The following MASTL variants were observed in gnomAD, a reference collection of about 807,000 sequenced individuals.
MASTL encodes microtubule associated serine/threonine kinase like, also known as serine/threonine-protein kinase greatwall.
A neutral mutation model predicts 82.5 loss-of-function variants in MASTL; 54 were observed. The observed-to-expected ratio is 0.65, with a 90% CI of 0.53 to 0.82. MASTL has a LOEUF of 0.82. Ranked by LOEUF, MASTL falls within the 40% of genes least tolerant of loss-of-function variation. MASTL has a pLI of 0.00. For synonymous variants in MASTL, 323 were observed against 368.9 expected (o/e 0.88, Z 1.43); for missense variants, 950 against 1,047.8 (o/e 0.91, Z 1.29).
chr10:27,181,483 T>C lies in MASTL; in HGVS notation c.2384T>C (p.Ile795Thr). 6.3e-7 allele frequency: 1 copy of C among 1,599,640 alleles called. No individual in the cohort carries two copies. The highest frequency in any genetic ancestry group is 8.6e-7 in the Non-Finnish European group (1 of 1,167,088). Reference protein sequence around the residue: ...QVFQNILKRDIPWPEGEEKLS... With the variant: ...QVFQNILKRDTPWPEGEEKLS... ...ATTTGTATATGTATAATTTTAGATA[T>C]CCCTTGGCCAGAAGGTGAAGAAAAG... Residue 795 changes from isoleucine (I) to threonine (T), a missense_variant, in exon 11 of 12, where the codon ATC becomes ACC. Transcript: ENST00000375940.
rs1380409248 is a variant in MASTL at position 27,170,582 on chromosome 10, AAAG to A, written c.1626_1628del (p.Lys542del). 6.2e-7 allele frequency: 1 copy of A among 1,612,532 alleles called. No homozygotes were observed. The highest frequency in any genetic ancestry group is 8.5e-7 in the Non-Finnish European group (1 of 1,179,422). On this transcript the variant is annotated inframe_deletion, in exon 8 of 12. Transcript: ENST00000375940. ...TGTGTGAACTCGATGAAGACTGTGA[AAAG>A]AATAGTAAGAGGGACTACTTAAGTT...
intron 4 of MASTL, among the ~76,000 whole-genome samples, chr10:27,161,548 T>TA (rs59116034): frequency 1.3e-5 from 2 of 151,172 alleles, no homozygotes; most frequent in African/African-American, 2.4e-5. Flanking sequence ...TATAAAAAAT[T>TA]AAAAAAAATG....
chr10:27,155,255 G>A (rs2057312011), upstream of MASTL: 1 of 664,052 alleles, frequency 1.5e-6, no homozygotes, highest in Non-Finnish European at 2.5e-6. Context: ...GGGCTTTCCC[G>A]ACGCCCCCTC....
chr10:27,179,177 C>G (rs993321654), intron 9 of MASTL, among the ~76,000 whole-genome samples: 1 of 152,078 alleles, frequency 6.6e-6, no homozygotes, highest in Non-Finnish European at 1.5e-5. Context: ...TAAAATTAAC[C>G]TTTTCTTAGG....
chr10:27,180,855 C>A, intron 9 of MASTL, 98 bp from the exon 10 acceptor site: 1 of 830,082 alleles, frequency 1.2e-6, no homozygotes, highest in Non-Finnish European at 2.1e-6. Flanking sequence ...ACCAGCCTAA[C>A]TCGTTTTCCC....
At chr10:27,155,753 C>A in intron 1 of MASTL, 141 bp downstream of exon 1, 1 of 921,866 alleles carries the variant, frequency 1.1e-6, no homozygotes, top group Non-Finnish European at 1.7e-6. Context: ...GCCCTGCGAG[C>A]TGACTTCTTT....
In MASTL at chr10:27,170,317, G is replaced by A. The variant is rs1217426961; in HGVS notation, c.1358G>A (p.Ser453Asn). ...AGAAATTTTGAGTTGGTTGACTCCA[G>A]TCCTTGTAAAAAAATTATACAGAAT... Reference protein sequence around the residue: ...LKRNFELVDSSPCKKIIQNKK... With the variant: ...LKRNFELVDSNPCKKIIQNKK... Residue 453 changes from serine to asparagine, a missense_variant, in exon 8 of 12, where the codon AGT (serine) becomes AAT (asparagine). By Grantham distance (46) the Ser-to-Asn change is conservative. Coordinates refer to ENST00000375940, the MANE Select transcript of MASTL (RefSeq NM_001172303.3). The A allele has an allele frequency of 6.2e-7, 1 of 1,613,762 alleles. No individual in the cohort carries two copies. Among genetic ancestry groups the A allele is most frequent in the Admixed American group, 1.7e-5 (1 of 60,010 alleles).
At chr10:27,161,290 C>G in intron 4 of MASTL, 108 bp downstream of exon 4, 1 of 675,536 alleles carries the variant, frequency 1.5e-6, no homozygotes, top group South Asian at 1.4e-5. Context: ...GGCAGATCAC[C>G]TGAGGTCAGG....
At chr10:27,183,393 C>A (rs1343990679) in intron 11 of MASTL, among the ~76,000 whole-genome samples, 1 of 152,006 alleles carries the variant, frequency 6.6e-6, no homozygotes, top group South Asian at 2.1e-4. Context: ...AAGTGATTCT[C>A]CTGCCTCAGC....
rs542262098 is a variant in MASTL at position 27,177,034 on chromosome 10, G to A, written c.2266+3775G>A. Reference sequence around the variant, plus strand: ...TAATTTTTGTATTTTTAGTAGAGACGGGGTTTCACCATCATGGCCAGGCTG... The same window carrying A: ...TAATTTTTGTATTTTTAGTAGAGACAGGGTTTCACCATCATGGCCAGGCTG... On this transcript the variant is annotated intron_variant, in intron 9 of 11. Transcript: ENST00000375940. Among the ~76,000 whole-genome samples, 62 of 151,904 alleles carry A rather than the reference G, an allele frequency of 4.1e-4. 1 individual carries two copies. Among genetic ancestry groups the A allele is most frequent in the Middle Eastern group, 6.8e-3 (2 of 294 alleles).
chr10:27,154,867 C>T (rs2135926190), upstream of MASTL: 1 of 160,722 alleles, frequency 6.2e-6, no homozygotes, highest in African/African-American at 2.4e-5. Context: ...TGGTCCTGAT[C>T]TGTTTCAGTC....
chr10:27,165,006 T>C (rs1356042586), intron 4 of MASTL, 58 bp from the exon 5 acceptor site: 2 of 1,079,370 alleles, frequency 1.9e-6, no homozygotes, highest in Non-Finnish European at 2.9e-6. Flanking sequence ...CATTCATTTT[T>C]AGTCAATGGG....
chr10:27,183,960 C>T (rs752612587), intron 11 of MASTL, among the ~76,000 whole-genome samples: 1 of 152,162 alleles, frequency 6.6e-6, no homozygotes, highest in African/African-American at 2.4e-5. Flanking sequence ...CATCCGCCCA[C>T]CTTGGCCTCC....
upstream of MASTL, chr10:27,155,150 G>A (rs1409090667): frequency 2.2e-6 from 1 of 444,594 alleles, no homozygotes; most frequent in Non-Finnish European, 4.1e-6. Flanking sequence ...CCTTTTTCTG[G>A]TCGGCCCAGA....
chr10:27,156,277 G>C (rs914620291), intron 1 of MASTL, among the ~76,000 whole-genome samples: 4 of 152,306 alleles, frequency 2.6e-5, no homozygotes, highest in Middle Eastern at 3.4e-3. Context: ...GCCCGCCTCG[G>C]CCTCCCAAAG....
At chr10:27,181,429 T>G (rs2058298594) in intron 10 of MASTL, 51 bp from the exon 11 acceptor site, 1 of 1,286,264 alleles carries the variant, frequency 7.8e-7, no homozygotes, top group Admixed American at 1.7e-5. Flanking sequence ...CTCTGGATAC[T>G]ATTATTTTGA....
At chr10:27,160,330 C>T (rs1268565124) in intron 3 of MASTL, among the ~76,000 whole-genome samples, 1 of 151,914 alleles carries the variant, frequency 6.6e-6, no homozygotes, top group African/African-American at 2.4e-5. Context: ...GTATTGAATC[C>T]TTTCCGCTCC....
chr10:27,170,126 TA>T lies in MASTL; in HGVS notation c.1173del (p.Lys391AsnfsTer12). On this transcript the variant is annotated frameshift_variant, in exon 8 of 12. Coordinates refer to ENST00000375940, the MANE Select transcript of MASTL (RefSeq NM_001172303.3). LOFTEE classifies it high-confidence loss of function. ...CTGGACGCTCTTGTGTAAACCTTGC[TA>T]AAAAATGCTTCTCTGGGGAAGTTTC... is the stretch of plus-strand genomic sequence containing the variant. ...TTGRSCVNLAKKCFSGEVSWE... is the reference protein window; with the variant it reads ...TTGRSCVNLAXKCFSGEVSWE... The T allele has an allele frequency of 6.2e-7, 1 of 1,614,184 alleles. No homozygotes were observed. Among genetic ancestry groups the T allele is most frequent in the Admixed American group, 1.7e-5 (1 of 60,018 alleles).
At chr10:27,154,761 T>C (rs1362940983), upstream of MASTL, 2 of 162,074 alleles carry the variant, frequency 1.2e-5, no homozygotes, top group African/African-American at 2.4e-5. Context: ...TTTCTACAGC[T>C]TCCTTATGAA....
Sources: gnomAD v4.1 joint callset for allele counts (sites outside exome capture counted in the v4.1 genomes callset) on GRCh38, gnomAD v4.1.1 for gene constraint, MANE v1.5 for transcripts, NCBI Gene and HGNC (gene_info 2026-07-23, HGNC 2026-07-21) for gene names.